The following SLC39A11 variants were observed in gnomAD, a reference collection of about 807,000 sequenced individuals.
SLC39A11 encodes solute carrier family 39 member 11.
Under a neutral mutation model 36.1 loss-of-function variants are expected in SLC39A11, and 33 were observed. That is an observed-to-expected ratio of 0.91 (90% CI 0.69 to 1.22). SLC39A11 has a LOEUF of 1.22. SLC39A11 is among the 50% of genes most tolerant of loss of function. The pLI is 0.00. For missense variants in SLC39A11, 432 were observed against 430.3 expected (o/e 1.00, Z -0.03); for synonymous variants, 166 against 170.3 (o/e 0.97, Z 0.20).
chr17:72,995,324 C>T lies in SLC39A11; in HGVS notation c.306+36232G>A, dbSNP rs546331335. On this transcript the variant is annotated intron_variant, in intron 4 of 9. Transcript: ENST00000255559. ...CAGGTGTACTAAGCACTACATCAGG[C>T]CTGACCCATAAGAAATGAACTCATC... Among the ~76,000 whole-genome samples, 38 of 152,312 alleles carry T rather than the reference C, an allele frequency of 2.5e-4. No individual in the cohort carries two copies. In the South Asian group the frequency reaches 7.5e-3, roughly 30 times the overall value.
chr17:73,023,133 C>T (rs888579997), intron 4 of SLC39A11, among the ~76,000 whole-genome samples: 1 of 152,164 alleles, frequency 6.6e-6, no homozygotes, highest in Non-Finnish European at 1.5e-5. Flanking sequence ...GCCCACTGTT[C>T]CAGTGTCAGG....
chr17:72,691,508 T>C (rs911303847), intron 7 of SLC39A11, among the ~76,000 whole-genome samples: 1 of 152,218 alleles, frequency 6.6e-6, no homozygotes, highest in Non-Finnish European at 1.5e-5. Context: ...GTGCCAGAAA[T>C]GTAAGAGTTG....
intron 5 of SLC39A11, among the ~76,000 whole-genome samples, chr17:72,867,665 G>A (rs1017878637): frequency 2.6e-5 from 4 of 152,018 alleles, no homozygotes; most frequent in Admixed American, 6.5e-5. Context: ...AATAAAATAC[G>A]AGGAAGGAGT....
chr17:72,771,957 C>T (rs552013829), intron 6 of SLC39A11, among the ~76,000 whole-genome samples: 1 of 152,268 alleles, frequency 6.6e-6, no homozygotes, highest in South Asian at 2.1e-4. Flanking sequence ...CACCACCAAC[C>T]CTCCTTTTCC....
rs74471118 is a variant in SLC39A11 at position 72,784,448 on chromosome 17, G to A, written c.602-47729C>T. Among the ~76,000 whole-genome samples the A allele has an allele frequency of 8.4e-3, 1,272 of 152,324 alleles. 20 individuals carry two copies. Among genetic ancestry groups the A allele is most frequent in the African/African-American group, 0.029 (1,204 of 41,566 alleles). ...GGGGGTTTGACACCAGAATGTCAAC[G>A]TAGTGCAGCATTACTGCAGAGAGCA... On this transcript the variant is annotated intron_variant, in intron 6 of 9. Coordinates refer to ENST00000255559, the MANE Select transcript of SLC39A11 (RefSeq NM_139177.4).
chr17:72,789,106 C>T (rs536906916), intron 6 of SLC39A11, among the ~76,000 whole-genome samples: 1 of 151,804 alleles, frequency 6.6e-6, no homozygotes, highest in East Asian at 1.9e-4. Context: ...GCAATCTCAG[C>T]TCACTGCAAC....
At position 72,949,144 on chromosome 17, in the gene SLC39A11, C is replaced by CTTTTTT. The variant is rs56036208; in HGVS notation, c.307-1275_307-1270dup. Among the ~76,000 whole-genome samples the CTTTTTT allele has an allele frequency of 1.6e-3, 58 of 36,508 alleles. 9 individuals carry two copies. Among genetic ancestry groups the CTTTTTT allele is most frequent in the South Asian group, 4.9e-3 (3 of 616 alleles). The allele number at this position is 36,508 out of a possible 152,430, so 24.0% of individuals were successfully genotyped here. A position where few individuals can be genotyped will look rare whatever the true frequency, so the allele number is the denominator to read the frequency against. ...AAATAAAATACCATACACTGGGCAG[C>CTTTTTT]TTTTTTTTTTTTTTTTTTTTTTTTT... is the stretch of plus-strand genomic sequence containing the variant. On this transcript the variant is annotated intron_variant, in intron 4 of 9. Coordinates refer to ENST00000255559, the MANE Select transcript of SLC39A11 (RefSeq NM_139177.4).
At chr17:72,772,716 A>C (rs1404898150) in intron 6 of SLC39A11, among the ~76,000 whole-genome samples, 1 of 152,228 alleles carries the variant, frequency 6.6e-6, no homozygotes, top group Non-Finnish European at 1.5e-5. Context: ...ATAAGTGCTG[A>C]ACAAATAAAG....
At chr17:72,926,935 G>A (rs150559623) in intron 5 of SLC39A11, among the ~76,000 whole-genome samples, 181 of 149,254 alleles carry the variant, frequency 1.2e-3, no homozygotes, top group African/African-American at 4.3e-3. Flanking sequence ...GACCTTGCAC[G>A]GGAATTACTG....
intron 6 of SLC39A11, among the ~76,000 whole-genome samples, chr17:72,826,973 A>G (rs957701080): frequency 1.3e-5 from 2 of 152,230 alleles, no homozygotes; most frequent in African/African-American, 4.8e-5. Context: ...GGAGTTACCA[A>G]ATGACCCAGC....
chr17:72,812,034 G>A (rs1358953419), intron 6 of SLC39A11, among the ~76,000 whole-genome samples: 1 of 152,184 alleles, frequency 6.6e-6, no homozygotes, highest in African/African-American at 2.4e-5. Flanking sequence ...TTTGGAGAGA[G>A]TTATTTCTAC....
intron 4 of SLC39A11, among the ~76,000 whole-genome samples, chr17:73,029,502 G>A (rs2058672399): frequency 6.6e-6 from 1 of 152,092 alleles, no homozygotes; most frequent in Admixed American, 6.6e-5. Flanking sequence ...CCTGCATTGA[G>A]GGCCACTGGA....
In SLC39A11 at chr17:72,662,832, GAGAA is replaced by G. The variant is rs1380458638; in HGVS notation, c.672-13568_672-13565del. Reference sequence around the variant, plus strand: ...AGAAAGAGAGAAAGAAAGAGAAAGAGAGAAAGAAAGACAGGCACACACATCCTGG... The same window carrying G: ...AGAAAGAGAGAAAGAAAGAGAAAGAGAGAAAGACAGGCACACACATCCTGG... On this transcript the variant is annotated intron_variant, in intron 7 of 9. Coordinates refer to ENST00000255559, the MANE Select transcript of SLC39A11 (RefSeq NM_139177.4). Among the ~76,000 whole-genome samples the G allele has an allele frequency of 5.3e-5, 8 of 152,214 alleles. No homozygotes were observed. The East Asian group carries it at 1.2e-3, about 22-fold the overall frequency.
intron 7 of SLC39A11, among the ~76,000 whole-genome samples, chr17:72,678,178 C>A (rs1266594826): frequency 6.6e-6 from 1 of 152,214 alleles, no homozygotes; most frequent in Non-Finnish European, 1.5e-5. Flanking sequence ...GATGCCCGTT[C>A]CGCTCACAAA....
intron 5 of SLC39A11, among the ~76,000 whole-genome samples, chr17:72,945,555 A>G (rs572500200): frequency 1.3e-5 from 2 of 152,288 alleles, no homozygotes; most frequent in South Asian, 4.1e-4. Context: ...AGGTGAGAAG[A>G]ACAGCGACCT....
intron 3 of SLC39A11, among the ~76,000 whole-genome samples, chr17:73,047,750 T>C (rs1201065508): frequency 6.6e-6 from 1 of 151,434 alleles, no homozygotes; most frequent in Non-Finnish European, 1.5e-5. Context: ...GGCAGATCAC[T>C]TGAGGTCAGG....
intron 4 of SLC39A11, among the ~76,000 whole-genome samples, chr17:72,969,279 G>C (rs1158655376): frequency 1.3e-5 from 2 of 152,106 alleles, no homozygotes; most frequent in Non-Finnish European, 2.9e-5. Context: ...GCCCACCAGA[G>C]GACTTTCCAG....
chr17:72,908,486 G>A (rs563712752), intron 5 of SLC39A11, among the ~76,000 whole-genome samples: 1 of 152,334 alleles, frequency 6.6e-6, no homozygotes, highest in African/African-American at 2.4e-5. Flanking sequence ...CTTGCGACAG[G>A]ACACTACCGT....
intron 4 of SLC39A11, among the ~76,000 whole-genome samples, chr17:72,968,111 G>A (rs1264039773): frequency 6.6e-6 from 1 of 152,184 alleles, no homozygotes; most frequent in African/African-American, 2.4e-5. Context: ...TTGTGGGCCT[G>A]GAAAGCAATG....
Sources: allele counts gnomAD v4.1 joint callset (sites outside exome capture counted in the v4.1 genomes callset), GRCh38; gene constraint gnomAD v4.1.1; transcripts MANE v1.5; gene names NCBI Gene and HGNC (gene_info 2026-07-23, HGNC 2026-07-21).